ACACB: variants seen among roughly 807,000 people sequenced by gnomAD.
ACACB encodes acetyl-CoA carboxylase 2.
A neutral mutation model predicts 278.8 loss-of-function variants in ACACB; 209 were observed. The observed-to-expected ratio is 0.75, with a 90% confidence interval of 0.67 to 0.84. The LOEUF (loss-of-function observed/expected upper bound fraction) is 0.84. Among genes scored for constraint, ACACB ranks in the 40% least tolerant of loss-of-function variants. ACACB has a pLI of 0.00. For synonymous variants in ACACB, 1,174 were observed against 1,285.6 expected, an observed-to-expected ratio of 0.91 and a Z score of 1.86; for missense variants, 2,850 against 3,269.0, an observed-to-expected ratio of 0.87 and a Z score of 3.13.
At chr12:109,175,586 T>C (rs2044257603) in intron 7 of ACACB, among the ~76,000 whole-genome samples, 2 of 152,288 alleles carry the variant, frequency 1.3e-5, no homozygotes, top group South Asian at 4.1e-4. Flanking sequence ...TGGCTAATTA[T>C]AAAATTTTTT....
intron 41 of ACACB, among the ~76,000 whole-genome samples, chr12:109,250,834 T>C (rs2047075341): frequency 6.6e-6 from 1 of 152,088 alleles, no homozygotes; most frequent in South Asian, 2.1e-4. Context: ...AAGAATGAAA[T>C]GAAGTACACT....
intron 45 of ACACB, among the ~76,000 whole-genome samples, chr12:109,257,461 C>T (rs1164884604): frequency 6.6e-6 from 1 of 152,080 alleles, no homozygotes; most frequent in African/African-American, 2.4e-5. Context: ...TCATGGCATC[C>T]CCTGAGCTGA....
At chr12:109,262,325 T>C in intron 48 of ACACB, 32 bp from the exon 49 acceptor site, 1 of 1,569,254 alleles carries the variant, frequency 6.4e-7, no homozygotes, top group East Asian at 2.2e-5. Context: ...CAATGCCTCA[T>C]ATACCCCCAT....
intron 11 of ACACB, among the ~76,000 whole-genome samples, chr12:109,184,051 A>C (rs1278376751): frequency 5.3e-5 from 8 of 150,648 alleles, no homozygotes; most frequent in African/African-American, 2.0e-4. Flanking sequence ...TAGGGGGCTC[A>C]ATCTTTTTTT....
chr12:109,200,228 G>A (rs1459492417), intron 18 of ACACB, among the ~76,000 whole-genome samples: 7 of 151,682 alleles, frequency 4.6e-5, no homozygotes, highest in African/African-American at 1.7e-4. Flanking sequence ...CTGTCACCCG[G>A]GCTGGAGTGT....
intron 13 of ACACB, among the ~76,000 whole-genome samples, chr12:109,191,227 T>TC (rs2044866990): frequency 6.6e-6 from 1 of 151,438 alleles, no homozygotes; most frequent in Non-Finnish European, 1.5e-5. Context: ...TTTTTTTTTT[T>TC]TTTGGAGACA....
intron 1 of ACACB, among the ~76,000 whole-genome samples, chr12:109,128,083 G>A (rs187636346): frequency 6.6e-5 from 10 of 152,180 alleles, no homozygotes; most frequent in Admixed American, 2.6e-4. Flanking sequence ...TCTCCCTCAC[G>A]TCTGTCTCCA....
upstream of ACACB, among the ~76,000 whole-genome samples, chr12:109,115,535 G>C (rs1472215398): frequency 6.6e-6 from 1 of 152,106 alleles, no homozygotes; most frequent in Non-Finnish European, 1.5e-5. Flanking sequence ...ACTGTGGCTA[G>C]AGAACATATG....
chr12:109,204,027 T>TA (rs1381652085), intron 19 of ACACB, among the ~76,000 whole-genome samples: 3 of 152,118 alleles, frequency 2.0e-5, no homozygotes, highest in African/African-American at 7.2e-5. Context: ...GTTTTCTTTT[T>TA]TAAAAAAATT....
rs151177495 is a variant in ACACB, at chr12:109,166,483, C to T, written c.654-378C>T. On this transcript the variant is annotated intron_variant, in intron 2 of 52. Transcript: ENST00000338432. Reference sequence around the variant, plus strand: ...CGTCACTTGACATCAAGAGTTTGGACGAGCCTGGGCAACATAGTGAGACCC... The same window carrying T: ...CGTCACTTGACATCAAGAGTTTGGATGAGCCTGGGCAACATAGTGAGACCC... Among the ~76,000 whole-genome samples, 21 of 151,536 alleles carry T rather than the reference C, an allele frequency of 1.4e-4. No homozygotes were observed. The East Asian group carries it at 3.1e-3, about 23-fold the overall frequency.
chr12:109,133,591 C>T (rs530362430), intron 1 of ACACB, among the ~76,000 whole-genome samples: 1 of 151,782 alleles, frequency 6.6e-6, no homozygotes, highest in African/African-American at 2.4e-5. Flanking sequence ...AGAGGGATGC[C>T]CACCCTATCA....
At chr12:109,261,204 G>A (rs2047367209) in intron 48 of ACACB, among the ~76,000 whole-genome samples, 1 of 152,192 alleles carries the variant, frequency 6.6e-6, no homozygotes, top group African/African-American at 2.4e-5. Flanking sequence ...TGCTACACAG[G>A]ATGTCAAGGC....
In ACACB at chr12:109,126,508, C is replaced by A. The variant is rs113852191; in HGVS notation, c.-10+9804C>A. Among the ~76,000 whole-genome samples the A allele has an allele frequency of 1.9e-3, 295 of 152,110 alleles. 1 individual carries two copies. The highest frequency in any genetic ancestry group is 6.7e-3 in the African/African-American group (276 of 41,484). On this transcript the variant is annotated intron_variant, in intron 1 of 52. Coordinates refer to ENST00000338432, the MANE Select transcript of ACACB (RefSeq NM_001093.4). ...GACCAGCCTGGGCAACACAGAAAGA[C>A]CCTATCTCTACAAAATATAAAAAAG... is the stretch of plus-strand genomic sequence containing the variant.
At chr12:109,151,856 G>T (rs246090) in intron 2 of ACACB, among the ~76,000 whole-genome samples, 23,789 of 152,206 alleles carry the variant, frequency 0.16, 2,077 homozygotes, top group East Asian at 0.37. Context: ...GTTGTGCTTG[G>T]AGGTGGATAT....
At position 109,179,215 on chromosome 12, in the gene ACACB, C is replaced by G. The variant is rs750279555; in HGVS notation, c.1565C>G (p.Ser522Cys). The G allele has an allele frequency of 6.2e-7, 1 of 1,614,112 alleles. No individual in the cohort carries two copies. The highest frequency in any genetic ancestry group is 8.5e-7 in the Non-Finnish European group (1 of 1,180,042). ...GTGTCTCTGTTTGGTCGCGACTGCT[C>G]CATCCAGCGGCGGCATCAGAAGATC... ...NAVSLFGRDCSIQRRHQKIVE... is the reference protein window; with the variant it reads ...NAVSLFGRDCCIQRRHQKIVE... Residue 522 changes from serine to cysteine, a missense_variant, in exon 10 of 53, where the codon TCC (serine) becomes TGC (cysteine). This residue lies in a region of ACACB where 2,265 missense variants were observed against 2,561.3 expected (regional missense o/e 0.88). Coordinates refer to ENST00000338432, the MANE Select transcript of ACACB (RefSeq NM_001093.4).
In ACACB at chr12:109,188,158, A is replaced by G. The variant is rs1593502488; in HGVS notation, c.2140A>G (p.Ile714Val). Residue 714 changes from isoleucine to valine, a missense_variant, in exon 13 of 53, where the codon ATT becomes GTT. Physicochemically the swap from Ile to Val is conservative, Grantham distance 29. Transcript: ENST00000338432. Reference sequence around the variant, plus strand: ...CTGGGGAGAGAACCGGGAAGAGGCCATTTCGTCAGTATCTCCTTCCTTCCT... The same window carrying G: ...CTGGGGAGAGAACCGGGAAGAGGCCGTTTCGTCAGTATCTCCTTCCTTCCT... ...FSWGENREEA[I>V]SNMVVALKEL... 3 of 1,594,470 alleles carry G rather than the reference A, an allele frequency of 1.9e-6. No individual in the cohort carries two copies. The highest frequency in any genetic ancestry group is 2.3e-5 in the East Asian group (1 of 44,032).
intron 1 of ACACB, among the ~76,000 whole-genome samples, chr12:109,128,020 C>A (rs966889150): frequency 2.0e-5 from 3 of 152,150 alleles, no homozygotes; most frequent in Non-Finnish European, 4.4e-5. Flanking sequence ...GGCAGCCTGG[C>A]GAGCTCCTAT....
chr12:109,142,876 A>G (rs1232918063), intron 2 of ACACB, among the ~76,000 whole-genome samples: 2 of 152,120 alleles, frequency 1.3e-5, no homozygotes, highest in Non-Finnish European at 2.9e-5. Context: ...CTACTTAACT[A>G]TCTTTCATAG....
At position 109,141,348 on chromosome 12, in the gene ACACB, C is replaced by A. The variant is rs991469168; in HGVS notation, c.653+1290C>A. ...GCCTGTAGGTTCATAACAGGTGGGA[C>A]TATCCCAGCGGCTGCAGTCAGTGGC... On this transcript the variant is annotated intron_variant, in intron 2 of 52. Coordinates refer to ENST00000338432, the MANE Select transcript of ACACB (RefSeq NM_001093.4). Among the ~76,000 whole-genome samples the A allele has an allele frequency of 2.0e-4, 31 of 152,216 alleles. 1 individual carries two copies. Among genetic ancestry groups the A allele is most frequent in the Admixed American group, 1.7e-3 (26 of 15,280 alleles).
Sources: gnomAD v4.1 joint callset for allele counts (sites outside exome capture counted in the v4.1 genomes callset) on GRCh38, gnomAD v4.1.1 for gene constraint, gnomAD v4.1.1 regional missense constraint, MANE v1.5 for transcripts, NCBI Gene and HGNC (gene_info 2026-07-23, HGNC 2026-07-21) for gene names.